ANKS1B: variants seen among roughly 807,000 people sequenced by gnomAD.
ANKS1B encodes ankyrin repeat and sterile alpha motif domain-containing protein 1B.
Under a neutral mutation model 148.3 loss-of-function variants are expected in ANKS1B, and 36 were observed. The observed-to-expected ratio is 0.24, with a 90% confidence interval of 0.19 to 0.32. The LOEUF is 0.32. Ranked by LOEUF, ANKS1B falls within the 10% of genes least tolerant of loss-of-function variation. ANKS1B has a pLI of 1.00. For missense variants in ANKS1B, 1,157 were observed against 1,542.6 expected (o/e 0.75, Z 4.19); for synonymous variants, 542 against 560.8 (o/e 0.97, Z 0.47).
At chr12:99,953,122 TAAAC>T (rs982197230) in intron 1 of ANKS1B, among the ~76,000 whole-genome samples, 5 of 151,916 alleles carry the variant, frequency 3.3e-5, no homozygotes, top group African/African-American at 1.2e-4. Flanking sequence ...TCAAAGGAAA[TAAAC>T]AAAATATAAA....
At chr12:99,534,240 A>G (rs2097036474) in intron 9 of ANKS1B, among the ~76,000 whole-genome samples, 1 of 152,222 alleles carries the variant, frequency 6.6e-6, no homozygotes, top group Non-Finnish European at 1.5e-5. Flanking sequence ...TTCAGAAGTG[A>G]ACAACTGAAT....
intron 15 of ANKS1B, among the ~76,000 whole-genome samples, chr12:99,125,771 C>T (rs533980468): frequency 6.6e-6 from 1 of 152,128 alleles, no homozygotes; most frequent in Admixed American, 6.5e-5. Flanking sequence ...AAACAGATTC[C>T]TAACAGGTAG....
intron 12 of ANKS1B, among the ~76,000 whole-genome samples, chr12:99,331,412 C>T (rs1442442155): frequency 2.0e-5 from 3 of 151,986 alleles, no homozygotes; most frequent in African/African-American, 4.8e-5. Context: ...TGCTTTACAA[C>T]CTCCTGCAGC....
At chr12:98,868,528 T>C (rs2099637083) in intron 17 of ANKS1B, among the ~76,000 whole-genome samples, 1 of 151,958 alleles carries the variant, frequency 6.6e-6, no homozygotes, top group Non-Finnish European at 1.5e-5. Context: ...GACAAGGTGT[T>C]TCCCAAGTTA....
intron 8 of ANKS1B, among the ~76,000 whole-genome samples, chr12:99,734,687 T>C (rs1212600492): frequency 6.6e-6 from 1 of 152,214 alleles, no homozygotes; most frequent in East Asian, 1.9e-4. Flanking sequence ...CTGTTAAACT[T>C]CTTGACAAAG....
At chr12:99,847,115 T>A (rs963654250) in intron 1 of ANKS1B, among the ~76,000 whole-genome samples, 3 of 151,844 alleles carry the variant, frequency 2.0e-5, no homozygotes, top group African/African-American at 7.3e-5. Flanking sequence ...CTTTCTTTTT[T>A]TTTTTTCTTT....
At chr12:99,115,670 C>T (rs1795388828) in intron 15 of ANKS1B, among the ~76,000 whole-genome samples, 1 of 152,066 alleles carries the variant, frequency 6.6e-6, no homozygotes, top group South Asian at 2.1e-4. Flanking sequence ...GTGGCTCACA[C>T]CTGTAATCCC....
chr12:99,220,668 G>A (rs1263992410), intron 14 of ANKS1B, among the ~76,000 whole-genome samples: 1 of 148,702 alleles, frequency 6.7e-6, no homozygotes, highest in African/African-American at 2.5e-5. Flanking sequence ...AGGATGGTCT[G>A]GATCTCCTGA....
chr12:99,679,722 G>C lies in ANKS1B; in HGVS notation c.1129-24512C>G, dbSNP rs565790965. On this transcript the variant is annotated intron_variant, in intron 8 of 26. Transcript: ENST00000683438. ...TATCAAATTCTTAACTGTAACATCA[G>C]AAGTTAGAACACAATAGACCAACCA... Among the ~76,000 whole-genome samples, 5 of 152,300 alleles carry C rather than the reference G, an allele frequency of 3.3e-5. No homozygotes were observed. The East Asian group carries it at 9.6e-4, about 29-fold the overall frequency.
intron 14 of ANKS1B, among the ~76,000 whole-genome samples, chr12:99,188,881 C>G (rs746426043): frequency 2.2e-4 from 33 of 151,960 alleles, no homozygotes; most frequent in Non-Finnish European, 1.3e-4. Context: ...CACGAAATAC[C>G]CTTCGAAAAA....
At chr12:99,024,769 T>C (rs1319193809) in intron 17 of ANKS1B, among the ~76,000 whole-genome samples, 2 of 152,202 alleles carry the variant, frequency 1.3e-5, no homozygotes, top group African/African-American at 2.4e-5. Flanking sequence ...TACTTTAGAT[T>C]TGCAAATTAA....
chr12:99,245,208 C>G (rs1246951782), intron 13 of ANKS1B, among the ~76,000 whole-genome samples: 1 of 152,124 alleles, frequency 6.6e-6, no homozygotes, highest in East Asian at 1.9e-4. Flanking sequence ...TTACTGACAT[C>G]CAATCACCAG....
intron 19 of ANKS1B, among the ~76,000 whole-genome samples, chr12:98,827,508 G>A (rs927872926): frequency 2.0e-5 from 3 of 152,068 alleles, no homozygotes; most frequent in African/African-American, 7.2e-5. Flanking sequence ...TCTCATAAGG[G>A]ATGCATTTCT....
At chr12:99,943,534 G>T (rs2094972650) in intron 1 of ANKS1B, among the ~76,000 whole-genome samples, 1 of 152,130 alleles carries the variant, frequency 6.6e-6, no homozygotes, top group South Asian at 2.1e-4. Flanking sequence ...AATCATGGCA[G>T]AAGGCAAAGG....
intron 16 of ANKS1B, among the ~76,000 whole-genome samples, chr12:99,071,375 T>C (rs2046219389): frequency 6.6e-6 from 1 of 152,250 alleles, no homozygotes; most frequent in South Asian, 2.1e-4. Context: ...TTATTTCAAT[T>C]GTATGGTAAA....
intron 17 of ANKS1B, among the ~76,000 whole-genome samples, chr12:98,912,217 G>C (rs958153059): frequency 6.6e-6 from 1 of 152,308 alleles, no homozygotes; most frequent in South Asian, 2.1e-4. Flanking sequence ...ACTGGTAAAT[G>C]GTAGAGCTGA....
At chr12:99,553,233 G>A (rs2097240816) in intron 9 of ANKS1B, among the ~76,000 whole-genome samples, 2 of 152,228 alleles carry the variant, frequency 1.3e-5, no homozygotes, top group Admixed American at 6.5e-5. Flanking sequence ...ATTTAGCAAG[G>A]CTTTCTAGAA....
chr12:99,048,157 T>C (rs2099963673), intron 17 of ANKS1B, among the ~76,000 whole-genome samples: 1 of 152,166 alleles, frequency 6.6e-6, no homozygotes, highest in Non-Finnish European at 1.5e-5. Context: ...AGGGAAGAGA[T>C]GGAGGTGGCT....
At chr12:98,737,868 C>T (rs2097781041) in intron 9 of ANKS1B, among the ~76,000 whole-genome samples, 2 of 152,196 alleles carry the variant, frequency 1.3e-5, no homozygotes, top group Admixed American at 6.5e-5. Flanking sequence ...ATTCCACAGA[C>T]ATTTTATATT....
Sources: allele counts gnomAD v4.1 joint callset (sites outside exome capture counted in the v4.1 genomes callset), GRCh38; gene constraint gnomAD v4.1.1; transcripts MANE v1.5; gene names NCBI Gene and HGNC (gene_info 2026-07-23, HGNC 2026-07-21).